Variants in P4HA1 observed in about 807,000 individuals in gnomAD.
P4HA1 encodes prolyl 4-hydroxylase subunit alpha-1.
In P4HA1, 24 loss-of-function variants were observed where a neutral mutation model predicts 72.8. The observed-to-expected ratio is 0.33, with a 90% confidence interval of 0.24 to 0.46. The LOEUF (loss-of-function observed/expected upper bound fraction) is 0.46, where lower values mean the gene tolerates loss of function less well. Ranked by LOEUF, P4HA1 falls within the 20% of genes least tolerant of loss-of-function variation. The probability of loss-of-function intolerance (pLI) is 1.00; values close to 1 mark genes in which losing one functional copy is unlikely to be tolerated. For synonymous variants in P4HA1, 201 were observed against 218.8 expected, an observed-to-expected ratio of 0.92 and a Z score of 0.72; for missense variants, 446 against 640.6, an observed-to-expected ratio of 0.70 and a Z score of 3.28.
chr10:73,086,295 T>C (rs905848335), intron 1 of P4HA1, among the ~76,000 whole-genome samples: 2 of 152,218 alleles, frequency 1.3e-5, no homozygotes, highest in Non-Finnish European at 2.9e-5. Context: ...TATCCATTAG[T>C]GGGTAAACAA....
chr10:73,064,623 T>C, intron 5 of P4HA1, among the ~76,000 whole-genome samples: 1 of 152,114 alleles, frequency 6.6e-6, no homozygotes, highest in East Asian at 1.9e-4. Flanking sequence ...GACGGAACAC[T>C]TGAGGTCAAG....
chr10:73,021,499 A>G (rs570672051), intron 10 of P4HA1, among the ~76,000 whole-genome samples: 32 of 152,372 alleles, frequency 2.1e-4, no homozygotes, highest in African/African-American at 7.7e-4. Flanking sequence ...AGAAGAATGT[A>G]ATCTTATCAC....
intron 3 of P4HA1, among the ~76,000 whole-genome samples, chr10:73,072,664 C>T (rs1841592395): frequency 6.6e-6 from 1 of 152,060 alleles, no homozygotes; most frequent in African/African-American, 2.4e-5. Context: ...CAGGAATTCT[C>T]AGGTCAGGAT....
At chr10:73,040,900 A>T (rs1312150318) in intron 9 of P4HA1, among the ~76,000 whole-genome samples, 3 of 151,936 alleles carry the variant, frequency 2.0e-5, no homozygotes, top group South Asian at 2.1e-4. Context: ...TTTAATTTTT[A>T]TTTTTTTTAA....
chr10:73,088,553 C>A (rs902492561), intron 1 of P4HA1, among the ~76,000 whole-genome samples: 4 of 152,206 alleles, frequency 2.6e-5, no homozygotes, highest in Admixed American at 2.6e-4. Context: ...CTGGACTAAA[C>A]CTAAGTCCTT....
chr10:73,087,479 T>C (rs777825975), intron 1 of P4HA1, among the ~76,000 whole-genome samples: 1 of 152,030 alleles, frequency 6.6e-6, no homozygotes, highest in African/African-American at 2.4e-5. Flanking sequence ...TTGGCCGGGC[T>C]AGTCTTGAAC....
chr10:73,051,381 G>A (rs1468162210), intron 6 of P4HA1, 132 bp from the exon 7 acceptor site: 2 of 572,152 alleles, frequency 3.5e-6, no homozygotes, highest in Non-Finnish European at 6.1e-6. Flanking sequence ...GTGAAAGGAG[G>A]CACTAATAAA....
At chr10:73,052,637 A>G (rs995939925) in intron 6 of P4HA1, among the ~76,000 whole-genome samples, 1 of 152,192 alleles carries the variant, frequency 6.6e-6, no homozygotes, top group Non-Finnish European at 1.5e-5. Context: ...TCCAAAGTTC[A>G]TTTTCAGCAG....
chr10:73,034,850 AG>A (rs1286751080), intron 9 of P4HA1, among the ~76,000 whole-genome samples: 2 of 151,990 alleles, frequency 1.3e-5, no homozygotes, highest in Non-Finnish European at 2.9e-5. Flanking sequence ...CAAAGTGCTG[AG>A]ATTACAGGTG....
At chr10:73,026,686 A>C (rs1840277908) in intron 10 of P4HA1, among the ~76,000 whole-genome samples, 1 of 152,236 alleles carries the variant, frequency 6.6e-6, no homozygotes, top group South Asian at 2.1e-4. Flanking sequence ...AGAATGGGAG[A>C]AAATTTTTGC....
At chr10:73,052,621 C>A (rs1450594814) in intron 6 of P4HA1, among the ~76,000 whole-genome samples, 2 of 152,120 alleles carry the variant, frequency 1.3e-5, no homozygotes, top group Non-Finnish European at 2.9e-5. Context: ...AGAAATAACC[C>A]AATTATCCAA....
At chr10:73,034,022 C>G (rs1840503478) in intron 9 of P4HA1, among the ~76,000 whole-genome samples, 1 of 151,948 alleles carries the variant, frequency 6.6e-6, no homozygotes, top group African/African-American at 2.4e-5. Context: ...CCAGTCTCGG[C>G]AACCTAGCAA....
At chr10:73,044,734 G>A (rs964092279) in intron 9 of P4HA1, among the ~76,000 whole-genome samples, 1 of 152,130 alleles carries the variant, frequency 6.6e-6, no homozygotes, top group Non-Finnish European at 1.5e-5. Flanking sequence ...CTGATCTGAA[G>A]AAAGATAAAA....
chr10:73,075,199 C>G (rs914150373), intron 1 of P4HA1, among the ~76,000 whole-genome samples: 4 of 152,138 alleles, frequency 2.6e-5, no homozygotes, highest in African/African-American at 9.7e-5. Context: ...CCTCCACCTC[C>G]CGGGTTCAAG....
intron 10 of P4HA1, among the ~76,000 whole-genome samples, chr10:73,028,242 CAGA>C (rs1445235895): frequency 6.9e-6 from 1 of 145,848 alleles, no homozygotes; most frequent in Non-Finnish European, 1.5e-5. Context: ...GAAAAAAAAA[CAGA>C]AGAAAAGACC....
intron 5 of P4HA1, among the ~76,000 whole-genome samples, chr10:73,057,372 C>G (rs1452155599): frequency 6.6e-6 from 1 of 152,026 alleles, no homozygotes; most frequent in Non-Finnish European, 1.5e-5. Flanking sequence ...TGCTTGTAGT[C>G]CCAGCTACTT....
intron 10 of P4HA1, among the ~76,000 whole-genome samples, chr10:73,027,777 G>GC (rs1840318947): frequency 2.9e-5 from 4 of 137,890 alleles, no homozygotes; most frequent in African/African-American, 8.3e-5. Flanking sequence ...AGGAAGGAAG[G>GC]AAGCAAGCAA....
intron 5 of P4HA1, among the ~76,000 whole-genome samples, chr10:73,064,732 T>C (rs1042794709): frequency 6.6e-6 from 1 of 151,704 alleles, no homozygotes; most frequent in African/African-American, 2.4e-5. Flanking sequence ...TCCCAGCTAC[T>C]TGGGAGGCTG....
chr10:73,029,447 GAAAGGCTAA>G (rs1391363385), intron 10 of P4HA1, among the ~76,000 whole-genome samples: 3 of 144,186 alleles, frequency 2.1e-5, no homozygotes, highest in Non-Finnish European at 1.5e-5. Context: ...ATTGCAACCA[GAAAGGCTAA>G]AATAAAGGCA....
Sources: allele counts gnomAD v4.1 joint callset (sites outside exome capture counted in the v4.1 genomes callset), GRCh38; gene constraint gnomAD v4.1.1; transcripts MANE v1.5; gene names NCBI Gene and HGNC (gene_info 2026-07-23, HGNC 2026-07-21).